CNTNAP5: variants seen among roughly 807,000 people sequenced by gnomAD.
CNTNAP5 encodes contactin-associated protein-like 5.
In CNTNAP5, 72 loss-of-function variants were observed where a neutral mutation model predicts 150.2. The observed-to-expected ratio is 0.48, with a 90% CI of 0.40 to 0.58. The LOEUF (loss-of-function observed/expected upper bound fraction) is 0.58, where lower values mean the gene tolerates loss of function less well. CNTNAP5 is among the 20% of genes least tolerant of loss of function. CNTNAP5 has a pLI of 0.00. For synonymous variants in CNTNAP5, 672 were observed against 619.8 expected (o/e 1.08, Z -1.25); for missense variants, 1,636 against 1,626.2 (o/e 1.01, Z -0.10).
At chr2:124,648,718 G>C (rs6720324) in intron 13 of CNTNAP5, among the ~76,000 whole-genome samples, 81,503 of 152,014 alleles carry the variant, frequency 0.54, 22,551 homozygotes, top group Non-Finnish European at 0.62. Flanking sequence ...TAAAATGTAA[G>C]ATAGGGTTCA....
At chr2:124,479,350 A>G (rs1031476950) in intron 7 of CNTNAP5, among the ~76,000 whole-genome samples, 12 of 152,124 alleles carry the variant, frequency 7.9e-5, no homozygotes, top group African/African-American at 2.9e-4. Context: ...TGAGTCTTCT[A>G]TCTCTTCTCC....
At chr2:124,429,036 A>G (rs927549807) in intron 4 of CNTNAP5, among the ~76,000 whole-genome samples, 6 of 152,214 alleles carry the variant, frequency 3.9e-5, no homozygotes, top group African/African-American at 1.2e-4. Context: ...TTTGATTTCT[A>G]TAACCAGACC....
At chr2:124,092,055 A>G (rs1472306048) in intron 1 of CNTNAP5, among the ~76,000 whole-genome samples, 1 of 152,086 alleles carries the variant, frequency 6.6e-6, no homozygotes, top group Non-Finnish European at 1.5e-5. Context: ...GGTGGCCCCT[A>G]TCTTTTTATC....
chr2:124,864,086 C>T (rs945690858), intron 19 of CNTNAP5, among the ~76,000 whole-genome samples: 2 of 152,174 alleles, frequency 1.3e-5, no homozygotes, highest in African/African-American at 2.4e-5. Flanking sequence ...TCAACTCTCA[C>T]AGCCAGTGAC....
intron 13 of CNTNAP5, among the ~76,000 whole-genome samples, chr2:124,719,254 C>T (rs1234446759): frequency 6.6e-6 from 1 of 152,188 alleles, no homozygotes; most frequent in African/African-American, 2.4e-5. Flanking sequence ...TGCATATCTA[C>T]ATCACCTCCT....
At chr2:124,139,727 G>C (rs770383973) in intron 1 of CNTNAP5, among the ~76,000 whole-genome samples, 4 of 152,116 alleles carry the variant, frequency 2.6e-5, no homozygotes, top group African/African-American at 9.7e-5. Context: ...TTCTGTGCCC[G>C]ATCATTGTTA....
At chr2:124,682,041 T>A (rs992062497) in intron 13 of CNTNAP5, among the ~76,000 whole-genome samples, 1 of 152,222 alleles carries the variant, frequency 6.6e-6, no homozygotes, top group Non-Finnish European at 1.5e-5. Context: ...TTCAAGCATC[T>A]TACAAGACAG....
intron 2 of CNTNAP5, among the ~76,000 whole-genome samples, chr2:124,228,441 C>A (rs1686523764): frequency 1.3e-5 from 2 of 152,142 alleles, no homozygotes; most frequent in African/African-American, 4.8e-5. Context: ...GTCAACTTGA[C>A]ACCTAATAGA....
chr2:124,842,301 T>A (rs541830431), intron 19 of CNTNAP5, among the ~76,000 whole-genome samples: 61 of 151,996 alleles, frequency 4.0e-4, no homozygotes, highest in Non-Finnish European at 7.5e-4. Context: ...TCCCATGGAG[T>A]TTTGTGGAGT....
chr2:124,693,282 A>G (rs940140367), intron 13 of CNTNAP5, among the ~76,000 whole-genome samples: 1 of 152,128 alleles, frequency 6.6e-6, no homozygotes, highest in Non-Finnish European at 1.5e-5. Flanking sequence ...GTATTCTTTG[A>G]CTATGCTCTG....
intron 3 of CNTNAP5, among the ~76,000 whole-genome samples, chr2:124,344,777 A>C (rs1285133978): frequency 6.6e-6 from 1 of 152,070 alleles, no homozygotes; most frequent in Non-Finnish European, 1.5e-5. Flanking sequence ...ACAAACAAAA[A>C]TGTCTAAAAT....
intron 1 of CNTNAP5, among the ~76,000 whole-genome samples, chr2:124,186,329 A>C (rs1232680546): frequency 6.6e-6 from 1 of 152,234 alleles, no homozygotes; most frequent in South Asian, 2.1e-4. Flanking sequence ...CTGCATAGCT[A>C]CTCATACATA....
chr2:124,859,249 G>T (rs1047988198), intron 19 of CNTNAP5, among the ~76,000 whole-genome samples: 13 of 152,000 alleles, frequency 8.6e-5, no homozygotes, highest in Non-Finnish European at 1.6e-4. Context: ...GTGGGCAAAG[G>T]ATATGAACAG....
chr2:124,506,879 A>T (rs1286839891), intron 8 of CNTNAP5, among the ~76,000 whole-genome samples: 1 of 152,184 alleles, frequency 6.6e-6, no homozygotes, highest in Non-Finnish European at 1.5e-5. Context: ...ATGGAGGAAG[A>T]TCTGCTTCCG....
At chr2:124,084,447 G>A (rs1038284697) in intron 1 of CNTNAP5, among the ~76,000 whole-genome samples, 4 of 151,654 alleles carry the variant, frequency 2.6e-5, no homozygotes, top group South Asian at 2.1e-4. Context: ...TTGTATTTTC[G>A]GTAGACATGG....
intron 6 of CNTNAP5, among the ~76,000 whole-genome samples, chr2:124,465,040 C>A (rs1219858478): frequency 6.6e-6 from 1 of 151,776 alleles, no homozygotes; most frequent in Non-Finnish European, 1.5e-5. Flanking sequence ...CAGGAAGACT[C>A]CAAATTTAAA....
chr2:124,419,144 A>AT (rs1692011105), intron 4 of CNTNAP5, among the ~76,000 whole-genome samples: 1 of 132,768 alleles, frequency 7.5e-6, no homozygotes, highest in African/African-American at 2.9e-5. Context: ...CCTTCTCAAA[A>AT]AAAAAAAAAA....
At chr2:124,045,879 A>C (rs903120121) in intron 1 of CNTNAP5, among the ~76,000 whole-genome samples, 2 of 152,134 alleles carry the variant, frequency 1.3e-5, no homozygotes, top group Non-Finnish European at 2.9e-5. Context: ...GGACCCTTAA[A>C]AATTCACATT....
intron 6 of CNTNAP5, among the ~76,000 whole-genome samples, chr2:124,457,225 T>C (rs1693142279): frequency 6.6e-6 from 1 of 151,978 alleles, no homozygotes; most frequent in Non-Finnish European, 1.5e-5. Flanking sequence ...AAAATCCTTC[T>C]AGACATTGGC....
Sources: gnomAD v4.1 joint callset for allele counts (sites outside exome capture counted in the v4.1 genomes callset) on GRCh38, gnomAD v4.1.1 for gene constraint, MANE v1.5 for transcripts, NCBI Gene and HGNC (gene_info 2026-07-23, HGNC 2026-07-21) for gene names.